SCPEP1: variants seen among roughly 807,000 people sequenced by gnomAD.
The protein encoded by SCPEP1 is retinoid-inducible serine carboxypeptidase.
In SCPEP1, 51 loss-of-function variants were observed where a neutral mutation model predicts 63.8. That is an observed-to-expected ratio of 0.80 (90% CI 0.64 to 1.01). The LOEUF (loss-of-function observed/expected upper bound fraction) is 1.01. SCPEP1 is among the 50% of genes least tolerant of loss of function. The probability of loss-of-function intolerance (pLI) is 0.00; values close to 1 mark genes in which losing one functional copy is unlikely to be tolerated. For synonymous variants in SCPEP1, 204 were observed against 207.8 expected, an observed-to-expected ratio of 0.98 and a Z score of 0.16; for missense variants, 499 against 554.9, an observed-to-expected ratio of 0.90 and a Z score of 1.01.
intron 5 of SCPEP1, among the ~76,000 whole-genome samples, chr17:56,989,792 C>A (rs1253525648): frequency 6.6e-6 from 1 of 151,974 alleles, no homozygotes; most frequent in Non-Finnish European, 1.5e-5. Context: ...ACTAAAAATA[C>A]AAAAATTAGC....
At chr17:57,003,413 T>A (rs1322670821) in intron 12 of SCPEP1, among the ~76,000 whole-genome samples, 2 of 151,966 alleles carry the variant, frequency 1.3e-5, no homozygotes, top group African/African-American at 4.8e-5. Context: ...GTCAGGTAAA[T>A]CCAGAAAGGA....
rs952079856 is a variant in SCPEP1 at position 56,981,359 on chromosome 17, C to T, written c.225+129C>T. ...GGTCCAGCAGTGTGACCTGGGGGTT[C>T]GGCGTGCTTCTGAGGTAGGCTGAGG... is the stretch of plus-strand genomic sequence containing the variant. On this transcript the variant is annotated intron_variant, in intron 2 of 12. Coordinates refer to ENST00000262288, the MANE Select transcript of SCPEP1 (RefSeq NM_021626.3). 3.7e-5 allele frequency: 35 copies of T among 957,980 alleles called. No homozygotes were observed. In the African/African-American group the frequency reaches 3.7e-4, roughly 10 times the overall value. The allele number at this position is 957,980 out of a possible 1,614,324, so 59.3% of individuals were successfully genotyped here.
At chr17:56,985,243 C>T (rs1195321813) in intron 2 of SCPEP1, 135 bp from the exon 3 acceptor site, 8 of 677,612 alleles carry the variant, frequency 1.2e-5, no homozygotes, top group Non-Finnish European at 1.8e-5. Flanking sequence ...CCCTGGTTCA[C>T]TAGAGAAATT....
chr17:56,991,022 T>C (rs1597917996), intron 5 of SCPEP1, 77 bp from the exon 6 acceptor site: 1 of 1,080,740 alleles, frequency 9.3e-7, no homozygotes, highest in East Asian at 2.4e-5. Flanking sequence ...TCCTCCTGCC[T>C]AAGCTTCCCA....
At chr17:56,990,299 C>T (rs965663773) in intron 5 of SCPEP1, among the ~76,000 whole-genome samples, 18 of 152,142 alleles carry the variant, frequency 1.2e-4, no homozygotes, top group Non-Finnish European at 2.5e-4. Context: ...TTCACATTTC[C>T]TTCTATCTCC....
chr17:56,995,874 A>AT, intron 8 of SCPEP1: 1 of 199,076 alleles, frequency 5.0e-6, no homozygotes, highest in East Asian at 8.3e-5. Flanking sequence ...TATGGATTCT[A>AT]TTAAAAAAAA....
Position 57,004,573 on chromosome 17 carries a change from AT to A in SCPEP1, c.1297-1590del, listed in dbSNP as rs535160482. Among the ~76,000 whole-genome samples, 194 of 150,816 alleles carry A rather than the reference AT, an allele frequency of 1.3e-3. 1 individual carries two copies. The highest frequency in any genetic ancestry group is 5.5e-3 in the South Asian group (26 of 4,768). On this transcript the variant is annotated intron_variant, in intron 12 of 12. Coordinates refer to ENST00000262288, the MANE Select transcript of SCPEP1 (RefSeq NM_021626.3). ...GAACCAGAAATGTTTCAGATTTTTA[AT>A]TTTTTTTTTATTTTGGAATATTTGC... is the stretch of plus-strand genomic sequence containing the variant.
intron 10 of SCPEP1, 98 bp from the exon 11 acceptor site, chr17:57,000,757 G>A (rs1911714492): frequency 9.3e-6 from 13 of 1,396,266 alleles, no homozygotes; most frequent in East Asian, 6.9e-5. Flanking sequence ...GCATTCAGTC[G>A]TTGTTCGGTG....
chr17:57,005,714 A>G (rs1269297407), intron 12 of SCPEP1, among the ~76,000 whole-genome samples: 1 of 152,190 alleles, frequency 6.6e-6, no homozygotes, highest in Non-Finnish European at 1.5e-5. Context: ...ATCGGATGCC[A>G]CCCAAAGGGC....
Position 56,995,633 on chromosome 17 carries a change from C to G in SCPEP1, c.784C>G (p.Gln262Glu), listed in dbSNP as rs1213079581. The change falls in exon 8 of 13, where the codon CAG becomes GAG. Residue 262 changes from glutamine to glutamate, a missense_variant and splice_region_variant. Physicochemically the swap from Gln to Glu is conservative, Grantham distance 29 (BLOSUM62 2). Coordinates refer to ENST00000262288, the MANE Select transcript of SCPEP1 (RefSeq NM_021626.3). ...GGGGAAAGCAGAAATGATCATTGAA[C>G]AGGTAAAAAGGGGAAACACTCAGAG... ...LWGKAEMIIE[Q>E]NTDGVNFYNI... 1 of 1,613,640 alleles carries G rather than the reference C, an allele frequency of 6.2e-7. No homozygotes were observed. The highest frequency in any genetic ancestry group is 2.2e-5 in the East Asian group (1 of 44,868).
At chr17:56,985,660 A>G (rs180807348) in intron 3 of SCPEP1, among the ~76,000 whole-genome samples, 193 bp downstream of exon 3, 16 of 152,192 alleles carry the variant, frequency 1.1e-4, no homozygotes, top group African/African-American at 3.6e-4. Context: ...AGGACAGCTT[A>G]TCTTGCACCA....
At chr17:57,001,136 A>G (rs1911729789) in intron 11 of SCPEP1, 144 bp downstream of exon 11, 3 of 896,622 alleles carry the variant, frequency 3.3e-6, no homozygotes, top group Non-Finnish European at 5.3e-6. Flanking sequence ...GTCTACCCCG[A>G]CCTTGATTAT....
intron 10 of SCPEP1, among the ~76,000 whole-genome samples, chr17:57,000,483 CA>C (rs1340408617): frequency 6.6e-6 from 1 of 152,046 alleles, no homozygotes; most frequent in Admixed American, 6.6e-5. Context: ...TGGTGTTACT[CA>C]AAAAAACAGG....
rs771883135 is a variant in SCPEP1 at position 57,002,035 on chromosome 17, C to T, written c.1150C>T (p.Arg384Trp). 4.5e-5 allele frequency: 73 copies of T among 1,613,816 alleles called. No homozygotes were observed. The South Asian group carries it at 4.7e-4, about 10-fold the overall frequency. Residue 384 changes from arginine (R) to tryptophan (W), a missense_variant, in exon 12 of 13, where the codon CGG becomes TGG. Transcript: ENST00000262288. ...CTCACCAGGTCAGGAGGCCTGGGTG[C>T]GGAAACTGAAGTGGCCAGAACTGCC... Reference protein sequence around the residue: ...VDTMGQEAWVRKLKWPELPKF... With the variant: ...VDTMGQEAWVWKLKWPELPKF...
At chr17:57,001,019 A>C in intron 11 of SCPEP1, 27 bp downstream of exon 11, 1 of 1,613,820 alleles carries the variant, frequency 6.2e-7, no homozygotes, top group South Asian at 1.1e-5. Flanking sequence ...AGAGGCACCT[A>C]GAGGCAGTTT....
chr17:56,984,138 G>C (rs1206556092), intron 2 of SCPEP1: 7 of 152,156 alleles, frequency 4.6e-5, no homozygotes, highest in Admixed American at 2.6e-4. Context: ...AACTCCTCTC[G>C]AACTCCTGAC....
At chr17:56,984,774 G>A (rs1441325582) in intron 2 of SCPEP1, 1 of 155,310 alleles carries the variant, frequency 6.4e-6, no homozygotes, top group Non-Finnish European at 1.4e-5. Context: ...AGGTCAGCAA[G>A]GCCTACGGCA....
chr17:56,988,606 A>G (rs1264068225), intron 5 of SCPEP1, among the ~76,000 whole-genome samples: 2 of 151,828 alleles, frequency 1.3e-5, no homozygotes, highest in African/African-American at 4.8e-5. Context: ...ATATATTTGT[A>G]TTTTATATAA....
At chr17:56,982,987 G>C (rs565597376) in intron 2 of SCPEP1, 17 of 152,082 alleles carry the variant, frequency 1.1e-4, no homozygotes, top group African/African-American at 3.6e-4. Context: ...TTCTCTCGGG[G>C]GAATCTTTGA....
Sources: gnomAD v4.1 joint callset for allele counts (sites outside exome capture counted in the v4.1 genomes callset) on GRCh38, gnomAD v4.1.1 for gene constraint, MANE v1.5 for transcripts, NCBI Gene and HGNC (gene_info 2026-07-23, HGNC 2026-07-21) for gene names.